The following MACROD2 variants were observed in gnomAD, a reference collection of about 807,000 sequenced individuals.
MACROD2 encodes the protein ADP-ribose glycohydrolase MACROD2.
In MACROD2, 36 loss-of-function variants were observed where a neutral mutation model predicts 70.4. The observed-to-expected ratio is 0.51, with a 90% CI of 0.39 to 0.68. MACROD2 has a LOEUF of 0.68. MACROD2 is among the 30% of genes least tolerant of loss of function. MACROD2 has a pLI of 0.00. For synonymous variants in MACROD2, 172 were observed against 178.8 expected (o/e 0.96, Z 0.30); for missense variants, 496 against 538.4 (o/e 0.92, Z 0.78).
At chr20:15,180,469 T>C (rs2076492650) in intron 5 of MACROD2, among the ~76,000 whole-genome samples, 2 of 152,214 alleles carry the variant, frequency 1.3e-5, no homozygotes, top group Admixed American at 1.3e-4. Flanking sequence ...TATCATGTAA[T>C]GTTTGAGAAT....
At chr20:15,075,809 G>C (rs2075652967) in intron 5 of MACROD2, among the ~76,000 whole-genome samples, 1 of 152,134 alleles carries the variant, frequency 6.6e-6, no homozygotes, top group African/African-American at 2.4e-5. Flanking sequence ...CAGCAACACA[G>C]TGACCACTGC....
rs1427970026 is a variant in MACROD2 at position 14,326,824 on chromosome 20, G to A, written c.272-166655G>A. The A allele has an allele frequency of 6.2e-7, 1 of 1,613,716 alleles. No homozygotes were observed. Among genetic ancestry groups the A allele is most frequent in the Admixed American group, 1.7e-5 (1 of 59,954 alleles). On this transcript the variant is annotated intron_variant, in intron 3 of 17. Coordinates refer to ENST00000684519, the MANE Select transcript of MACROD2 (RefSeq NM_001351661.2). This position sits in a 1 kb window ranked among gnomAD's most constrained non-coding sequence, Gnocchi z 5.5. ...GGAATTCCGCACCAGGGACAGCTCTGTCAAATTAACTAGGTTGAAGAAAAC... is the reference window on the plus strand; with the variant it reads ...GGAATTCCGCACCAGGGACAGCTCTATCAAATTAACTAGGTTGAAGAAAAC...
intron 6 of MACROD2, among the ~76,000 whole-genome samples, chr20:15,404,921 A>C (rs1024780028): frequency 6.6e-6 from 1 of 152,234 alleles, no homozygotes; most frequent in African/African-American, 2.4e-5. Context: ...AGCAAAATGT[A>C]GTATATTTAT....
intron 5 of MACROD2, among the ~76,000 whole-genome samples, chr20:14,896,092 C>G (rs889925146): frequency 6.6e-6 from 1 of 152,048 alleles, no homozygotes; most frequent in Non-Finnish European, 1.5e-5. Flanking sequence ...GCCAGGAGTT[C>G]GAGACCAGCC....
At chr20:14,400,874 C>T (rs2083630292) in intron 3 of MACROD2, among the ~76,000 whole-genome samples, 1 of 152,110 alleles carries the variant, frequency 6.6e-6, no homozygotes, top group Admixed American at 6.5e-5. Flanking sequence ...TACTGTGAGT[C>T]ATAATGATCT....
chr20:15,855,332 A>G (rs1008811201), intron 8 of MACROD2, among the ~76,000 whole-genome samples: 1 of 152,200 alleles, frequency 6.6e-6, no homozygotes, highest in African/African-American at 2.4e-5. Flanking sequence ...ATTAATAGAT[A>G]TCTTGGTGAA....
chr20:14,823,616 A>T (rs1351439862), intron 5 of MACROD2, among the ~76,000 whole-genome samples: 1 of 152,082 alleles, frequency 6.6e-6, no homozygotes, highest in East Asian at 1.9e-4. Context: ...CCTCTTCTTT[A>T]CAAAGAGTCT....
At chr20:14,079,321 C>T (rs1461561380) in intron 2 of MACROD2, among the ~76,000 whole-genome samples, 9 of 152,124 alleles carry the variant, frequency 5.9e-5, no homozygotes, top group African/African-American at 2.2e-4. Flanking sequence ...ATTTCTGCAG[C>T]TAGTAGAGAA....
At chr20:15,222,228 T>G (rs1384384563) in intron 5 of MACROD2, among the ~76,000 whole-genome samples, 1 of 152,222 alleles carries the variant, frequency 6.6e-6, no homozygotes. Context: ...AGAAAAATGC[T>G]GCAGGGTGTG....
chr20:15,232,195 A>T (rs1376773025), intron 6 of MACROD2, among the ~76,000 whole-genome samples: 1 of 151,922 alleles, frequency 6.6e-6, no homozygotes, highest in Non-Finnish European at 1.5e-5. Context: ...CATTCTGATT[A>T]TGTAGAGGGA....
chr20:14,850,861 G>A (rs1032474759), intron 5 of MACROD2, among the ~76,000 whole-genome samples: 3 of 152,098 alleles, frequency 2.0e-5, no homozygotes, highest in Non-Finnish European at 2.9e-5. Flanking sequence ...AATGTCAATG[G>A]CAATTATAAT....
At chr20:15,794,536 C>A (rs1336826211) in intron 8 of MACROD2, among the ~76,000 whole-genome samples, 1 of 152,120 alleles carries the variant, frequency 6.6e-6, no homozygotes, top group Non-Finnish European at 1.5e-5. Context: ...TTTTCCATAC[C>A]AAGACCATTT....
intron 4 of MACROD2, among the ~76,000 whole-genome samples, chr20:14,600,488 C>A (rs2123402786): frequency 6.6e-6 from 1 of 151,882 alleles, no homozygotes; most frequent in African/African-American, 2.4e-5. Context: ...ATTGCAGATA[C>A]AAAAATTTTT....
At chr20:15,412,370 A>G (rs972655340) in intron 6 of MACROD2, among the ~76,000 whole-genome samples, 5 of 152,178 alleles carry the variant, frequency 3.3e-5, no homozygotes, top group African/African-American at 1.2e-4. Context: ...AGAGACATTG[A>G]ATACCCTTAT....
chr20:14,444,022 T>G (rs1192112233), intron 3 of MACROD2, among the ~76,000 whole-genome samples: 1 of 152,172 alleles, frequency 6.6e-6, no homozygotes, highest in Admixed American at 6.5e-5. Context: ...AGTAATTTAG[T>G]TAAAACCAAA....
intron 5 of MACROD2, among the ~76,000 whole-genome samples, chr20:14,912,867 G>A (rs1244770615): frequency 6.6e-5 from 10 of 152,102 alleles, no homozygotes; most frequent in Non-Finnish European, 2.9e-5. Context: ...CTCACTGTGG[G>A]GGCTCATCTA....
intron 8 of MACROD2, among the ~76,000 whole-genome samples, chr20:15,780,543 A>C (rs1350622891): frequency 2.0e-5 from 3 of 152,192 alleles, no homozygotes; most frequent in Admixed American, 2.0e-4. Context: ...GCAAGGCTTT[A>C]TCACGTAAGA....
At chr20:15,343,799 T>G (rs1003142832) in intron 6 of MACROD2, among the ~76,000 whole-genome samples, 2 of 152,222 alleles carry the variant, frequency 1.3e-5, no homozygotes, top group Non-Finnish European at 2.9e-5. Context: ...TGCCTGTCCA[T>G]GCATTTAGAG....
At chr20:14,378,463 A>G (rs1412660250) in intron 3 of MACROD2, among the ~76,000 whole-genome samples, 3 of 152,154 alleles carry the variant, frequency 2.0e-5, no homozygotes, top group Non-Finnish European at 2.9e-5. Context: ...TCAGTTCAGG[A>G]TAACTGAGGG....
Sources: allele counts gnomAD v4.1 joint callset (sites outside exome capture counted in the v4.1 genomes callset), GRCh38; gene constraint gnomAD v4.1.1; non-coding constraint Gnocchi (gnomAD v3.1); transcripts MANE v1.5; gene names NCBI Gene and HGNC (gene_info 2026-07-23, HGNC 2026-07-21).